The following MSRB3 variants were observed in gnomAD, a reference collection of about 807,000 sequenced individuals.
MSRB3 encodes methionine sulfoxide reductase B3.
A neutral mutation model predicts 21.0 loss-of-function variants in MSRB3; 13 were observed. The ratio of observed to expected loss-of-function variants is 0.62; its 90% confidence interval spans 0.40 to 0.98. The LOEUF (loss-of-function observed/expected upper bound fraction) is 0.98. Ranked by LOEUF, MSRB3 falls within the 50% of genes least tolerant of loss-of-function variation. The probability of loss-of-function intolerance (pLI) is 0.00; values close to 1 mark genes in which losing one functional copy is unlikely to be tolerated. For missense variants in MSRB3, 199 were observed against 230.3 expected (o/e 0.86, Z 0.88); for synonymous variants, 87 against 88.6 (o/e 0.98, Z 0.10).
At chr12:65,414,412 A>G (rs1311726575) in intron 5 of MSRB3, among the ~76,000 whole-genome samples, 6 of 152,168 alleles carry the variant, frequency 3.9e-5, no homozygotes, top group Admixed American at 3.9e-4. Flanking sequence ...TGGTGGTCCC[A>G]TAAGATTATA....
intron 4 of MSRB3, among the ~76,000 whole-genome samples, chr12:65,346,642 A>G (rs1221640468): frequency 2.0e-5 from 3 of 152,072 alleles, no homozygotes; most frequent in African/African-American, 7.2e-5. Context: ...TTGGTGTTTT[A>G]GACACGAAGT....
At chr12:65,338,290 C>T (rs776512960) in intron 4 of MSRB3, among the ~76,000 whole-genome samples, 3 of 152,010 alleles carry the variant, frequency 2.0e-5, no homozygotes, top group Non-Finnish European at 4.4e-5. Flanking sequence ...TGGGAAGGGA[C>T]GTTTGGTAGC....
intron 6 of MSRB3, among the ~76,000 whole-genome samples, chr12:65,462,357 A>G (rs1592659827): frequency 6.6e-6 from 1 of 152,098 alleles, no homozygotes; most frequent in Non-Finnish European, 1.5e-5. Flanking sequence ...TTTTGGAGAA[A>G]CTTTCTCTGG....
At chr12:65,463,114 T>C in intron 6 of MSRB3, 41 bp from the exon 7 acceptor site, 1 of 1,612,024 alleles carries the variant, frequency 6.2e-7, no homozygotes, top group Non-Finnish European at 8.5e-7. Context: ...AAAGCCTGCT[T>C]TGTACATGCT....
chr12:65,331,523 C>G (rs1875417938), intron 4 of MSRB3, among the ~76,000 whole-genome samples: 1 of 152,142 alleles, frequency 6.6e-6, no homozygotes, highest in African/African-American at 2.4e-5. Flanking sequence ...CTGGAGCTTT[C>G]CTGAAATCTG....
chr12:65,372,189 T>C (rs1878366967), intron 5 of MSRB3, among the ~76,000 whole-genome samples: 1 of 152,206 alleles, frequency 6.6e-6, no homozygotes, highest in Admixed American at 6.5e-5. Context: ...ATCGTGGCAT[T>C]TTCATGTCCA....
chr12:65,446,360 A>G (rs1368228381), intron 5 of MSRB3, among the ~76,000 whole-genome samples: 2 of 152,210 alleles, frequency 1.3e-5, no homozygotes, highest in East Asian at 3.8e-4. Context: ...TTTTAGCCAC[A>G]GAGTTAAATC....
intron 4 of MSRB3, among the ~76,000 whole-genome samples, chr12:65,368,216 G>C (rs1407952116): frequency 6.6e-6 from 1 of 152,180 alleles, no homozygotes; most frequent in Non-Finnish European, 1.5e-5. Flanking sequence ...GACTCCCGCT[G>C]GTTGGTTCTT....
At chr12:65,331,667 G>A (rs1875429846) in intron 4 of MSRB3, among the ~76,000 whole-genome samples, 1 of 152,192 alleles carries the variant, frequency 6.6e-6, no homozygotes, top group Non-Finnish European at 1.5e-5. Context: ...GCTGCTCATC[G>A]CTGTGCACAG....
At chr12:65,345,594 A>G (rs1311340695) in intron 4 of MSRB3, among the ~76,000 whole-genome samples, 1 of 152,048 alleles carries the variant, frequency 6.6e-6, no homozygotes, top group South Asian at 2.1e-4. Context: ...TTTTATTATT[A>G]TTATGCTTTA....
At chr12:65,283,919 C>T (rs1171729377) in intron 1 of MSRB3, 1 of 152,110 alleles carries the variant, frequency 6.6e-6, no homozygotes, top group Non-Finnish European at 1.5e-5. Flanking sequence ...TTTCCATGAA[C>T]ACTAATTTCC....
chr12:65,355,046 A>G (rs996040384), intron 4 of MSRB3, among the ~76,000 whole-genome samples: 3 of 151,844 alleles, frequency 2.0e-5, no homozygotes, highest in African/African-American at 7.2e-5. Context: ...GTAAAGAGAG[A>G]TGCATATAAG....
intron 1 of MSRB3, chr12:65,284,200 A>G (rs1009453638): frequency 2.6e-5 from 4 of 152,222 alleles, no homozygotes. Flanking sequence ...TGAGACTGAC[A>G]TTTTTGATCC....
chr12:65,308,143 A>G (rs1442423017), intron 1 of MSRB3, among the ~76,000 whole-genome samples: 1 of 152,240 alleles, frequency 6.6e-6, no homozygotes, highest in Admixed American at 6.5e-5. Flanking sequence ...GTATTGGGGC[A>G]TAAAACCTAC....
Position 65,465,644 on chromosome 12 carries a change from A to G in MSRB3, c.*2322A>G, listed in dbSNP as rs1180189776. On this transcript the variant is annotated 3_prime_UTR_variant, in exon 7 of 7. Coordinates refer to ENST00000308259, the MANE Select transcript of MSRB3 (RefSeq NM_001031679.3). Reference sequence around the variant, plus strand: ...GAGCTCTGGTCTTATCTGGATGCTCAGATAAGAGGTTTCTATCTGAGCATC... The same window carrying G: ...GAGCTCTGGTCTTATCTGGATGCTCGGATAAGAGGTTTCTATCTGAGCATC... The G allele has an allele frequency of 1.3e-5, 2 of 152,102 alleles. No homozygotes were observed. Among genetic ancestry groups the G allele is most frequent in the African/African-American group, 4.8e-5 (2 of 41,406 alleles). 9.4% of individuals were successfully genotyped at this position (152,102 alleles called of 1,614,324 possible). A position where few individuals can be genotyped will look rare whatever the true frequency, so the allele number is the denominator to read the frequency against.
chr12:65,404,082 T>C (rs1428802369), intron 5 of MSRB3, among the ~76,000 whole-genome samples: 1 of 152,254 alleles, frequency 6.6e-6, no homozygotes, highest in Non-Finnish European at 1.5e-5. Context: ...TTTTCTTTTT[T>C]AGAGATAGAG....
chr12:65,371,729 G>A (rs975368593), intron 5 of MSRB3, among the ~76,000 whole-genome samples: 7 of 152,106 alleles, frequency 4.6e-5, no homozygotes, highest in African/African-American at 1.4e-4. Context: ...TGAGATTCAT[G>A]AGAAAGGAAG....
Position 65,463,356 on chromosome 12 carries a change from A to C in MSRB3, c.*34A>C. 6.2e-7 allele frequency: 1 copy of C among 1,612,148 alleles called. No individual in the cohort carries two copies. Among genetic ancestry groups the C allele is most frequent in the South Asian group, 1.1e-5 (1 of 90,874 alleles). On this transcript the variant is annotated 3_prime_UTR_variant, in exon 7 of 7. Coordinates refer to ENST00000308259, the MANE Select transcript of MSRB3 (RefSeq NM_001031679.3). ...AGAGTGATGGAAACAAAGTGTACTT[A>C]ATGCACAGCTTATTAAAAAAATCAA...
chr12:65,319,665 T>C (rs1738594621), intron 2 of MSRB3, among the ~76,000 whole-genome samples: 1 of 152,216 alleles, frequency 6.6e-6, no homozygotes, highest in Admixed American at 6.5e-5. Context: ...AGTTCTTGAT[T>C]CACTGTAGAT....
Sources: allele counts gnomAD v4.1 joint callset (sites outside exome capture counted in the v4.1 genomes callset), GRCh38; gene constraint gnomAD v4.1.1; transcripts MANE v1.5; gene names NCBI Gene and HGNC (gene_info 2026-07-23, HGNC 2026-07-21).